Variants in BMPR2 observed in about 807,000 individuals in gnomAD.
BMPR2 encodes the protein bone morphogenetic protein receptor type-2.
A neutral mutation model predicts 100.8 loss-of-function variants in BMPR2; 29 were observed. That is an observed-to-expected ratio of 0.29 (90% CI 0.21 to 0.39). The LOEUF (loss-of-function observed/expected upper bound fraction) is 0.39, where lower values mean the gene tolerates loss of function less well. Among genes scored for constraint, BMPR2 ranks in the 10% least tolerant of loss-of-function variants. The probability of loss-of-function intolerance (pLI) is 1.00; values close to 1 mark genes in which losing one functional copy is unlikely to be tolerated. For missense variants in BMPR2, 1,011 were observed against 1,274.5 expected (o/e 0.79, Z 3.15); for synonymous variants, 382 against 442.3 (o/e 0.86, Z 1.71).
In BMPR2 at chr2:202,376,930, A is replaced by T; in HGVS notation, c.-545A>T. On this transcript the variant is annotated 5_prime_UTR_variant, in exon 1 of 13. Transcript: ENST00000374580. ...GAGGATTTGTTGTTTTCGAAATCAG[A>T]GTGAAGGAAGCACCGAAGCGAAACT... 2 of 443,678 alleles carry T rather than the reference A, an allele frequency of 4.5e-6. No homozygotes were observed. The highest frequency in any genetic ancestry group is 7.9e-6 in the Non-Finnish European group (2 of 253,504). 27.5% of individuals were successfully genotyped at this position (443,678 alleles called of 1,614,324 possible). A position where few individuals can be genotyped will look rare whatever the true frequency, so the allele number is the denominator to read the frequency against.
chr2:202,447,757 A>G (rs1321838455), intron 1 of BMPR2, among the ~76,000 whole-genome samples: 5 of 150,724 alleles, frequency 3.3e-5, no homozygotes, highest in Non-Finnish European at 7.3e-5. Flanking sequence ...ACACTTATAC[A>G]TATTTGTATT....
At chr2:202,497,571 A>G (rs1693066242) in intron 3 of BMPR2, among the ~76,000 whole-genome samples, 1 of 152,162 alleles carries the variant, frequency 6.6e-6, no homozygotes, top group African/African-American at 2.4e-5. Flanking sequence ...AAGGGTCGAC[A>G]AAGAGGAAAG....
intron 3 of BMPR2, among the ~76,000 whole-genome samples, chr2:202,509,148 A>T (rs943016373): frequency 6.6e-6 from 1 of 152,156 alleles, no homozygotes; most frequent in Non-Finnish European, 1.5e-5. Flanking sequence ...GTAAAGCATA[A>T]CATTCTAGGG....
At chr2:202,422,998 T>TA (rs1219284462) in intron 1 of BMPR2, among the ~76,000 whole-genome samples, 4 of 151,992 alleles carry the variant, frequency 2.6e-5, no homozygotes, top group Admixed American at 1.3e-4. Flanking sequence ...TTTAAAATAA[T>TA]AAAGATAGGG....
chr2:202,383,942 C>G (rs1319482315), intron 1 of BMPR2, among the ~76,000 whole-genome samples: 1 of 152,002 alleles, frequency 6.6e-6, no homozygotes, highest in Non-Finnish European at 1.5e-5. Context: ...GAGGCCGAGG[C>G]TGGTGGATCA....
intron 1 of BMPR2, among the ~76,000 whole-genome samples, chr2:202,435,376 C>CAT (rs141854934): frequency 0.17 from 17,834 of 103,016 alleles, 1,502 homozygotes; most frequent in Non-Finnish European, 0.2. Flanking sequence ...AAAAAAAATA[C>CAT]ATATATATAT....
At chr2:202,404,299 C>A (rs1480903352) in intron 1 of BMPR2, among the ~76,000 whole-genome samples, 1 of 149,822 alleles carries the variant, frequency 6.7e-6, no homozygotes, top group East Asian at 2.0e-4. Context: ...TCAAGCAATT[C>A]TCCTGCCTCA....
intron 1 of BMPR2, among the ~76,000 whole-genome samples, chr2:202,455,912 A>C (rs1559043796): frequency 6.6e-6 from 1 of 151,116 alleles, no homozygotes; most frequent in Non-Finnish European, 1.5e-5. Flanking sequence ...AAAAATACAA[A>C]AAATTATCTG....
chr2:202,378,357 G>A (rs948310514), intron 1 of BMPR2, among the ~76,000 whole-genome samples: 1 of 152,068 alleles, frequency 6.6e-6, no homozygotes, highest in African/African-American at 2.4e-5. Flanking sequence ...GCAGCCTTTT[G>A]GTGATTTGCT....
Position 202,551,561 on chromosome 2 carries a change from AAGGGAGACTATTAT to A in BMPR2, c.1414-1142_1414-1129del, listed in dbSNP as rs1688478668. Among the ~76,000 whole-genome samples, 4 of 152,160 alleles carry A rather than the reference AAGGGAGACTATTAT, an allele frequency of 2.6e-5. No individual in the cohort carries two copies. In the South Asian group the frequency reaches 8.3e-4, roughly 32 times the overall value. On this transcript the variant is annotated intron_variant, in intron 10 of 12. Transcript: ENST00000374580. ...CAAACAAAAAACTAGCTTTCCCCCAAAGGGAGACTATTATAGGGAGACTATTGTTCATTGCTAAT... is the reference window on the plus strand; with the variant it reads ...CAAACAAAAAACTAGCTTTCCCCCAAAGGGAGACTATTGTTCATTGCTAAT...
intron 1 of BMPR2, among the ~76,000 whole-genome samples, chr2:202,453,679 G>A (rs1692033384): frequency 6.6e-6 from 1 of 152,148 alleles, no homozygotes; most frequent in Non-Finnish European, 1.5e-5. Flanking sequence ...GGCAGAGGGG[G>A]TAAGGACAGG....
chr2:202,559,123 A>G (rs1688635871), intron 12 of BMPR2, among the ~76,000 whole-genome samples: 1 of 151,638 alleles, frequency 6.6e-6, no homozygotes, highest in South Asian at 2.1e-4. Context: ...AAGATGGTGA[A>G]ACCCCCCGTC....
intron 1 of BMPR2, among the ~76,000 whole-genome samples, chr2:202,408,632 A>G (rs570938916): frequency 2.0e-4 from 30 of 152,348 alleles, no homozygotes; most frequent in African/African-American, 7.0e-4. Context: ...TTTAGAATAA[A>G]TAAAAATTCA....
intron 3 of BMPR2, among the ~76,000 whole-genome samples, chr2:202,504,699 T>A: frequency 7.4e-6 from 1 of 134,660 alleles, no homozygotes; most frequent in East Asian, 2.0e-4. Flanking sequence ...TTTTTTTTTT[T>A]GAGAGAGTCG....
At chr2:202,389,957 A>T (rs982021834) in intron 1 of BMPR2, among the ~76,000 whole-genome samples, 6 of 151,704 alleles carry the variant, frequency 4.0e-5, no homozygotes, top group African/African-American at 1.2e-4. Context: ...AAGGGTTTTT[A>T]AACGATGATG....
At chr2:202,385,051 T>C (rs1427614988) in intron 1 of BMPR2, among the ~76,000 whole-genome samples, 1 of 152,180 alleles carries the variant, frequency 6.6e-6, no homozygotes, top group Non-Finnish European at 1.5e-5. Context: ...ACAAAATGTG[T>C]TAATGATAAG....
At chr2:202,436,448 GA>G (rs1280448395) in intron 1 of BMPR2, among the ~76,000 whole-genome samples, 15 of 142,368 alleles carry the variant, frequency 1.1e-4, no homozygotes, top group Middle Eastern at 3.5e-3. Flanking sequence ...CCTGTCTCAA[GA>G]AAAAAAAACA....
In BMPR2 at chr2:202,556,041, T is replaced by C. The variant is rs1422881845; in HGVS notation, c.2376T>C (p.Asn792=). The change falls in exon 12 of 13, where the codon AAT becomes AAC. Residue 792 remains asparagine (N), a synonymous_variant. Transcript: ENST00000374580. ...TCGAAACTGGAGTTGCCAAGATGAATACAATCAATGCAGCAGAACCTCATG... is the reference window on the plus strand; with the variant it reads ...TCGAAACTGGAGTTGCCAAGATGAACACAATCAATGCAGCAGAACCTCATG... The part of the protein sequence containing the change: ...KQVETGVAKM[N]TINAAEPHVV... The C allele has an allele frequency of 6.2e-7, 1 of 1,614,144 alleles. No homozygotes were observed. Among genetic ancestry groups the C allele is most frequent in the East Asian group, 2.2e-5 (1 of 44,884 alleles).
intron 1 of BMPR2, among the ~76,000 whole-genome samples, chr2:202,434,891 AAAAAAAAAAAAAAAAAAATATATAT>A (rs1691576136): frequency 1.6e-5 from 1 of 63,066 alleles, no homozygotes; most frequent in Non-Finnish European, 2.9e-5. Context: ...AAAAAAAAAA[AAAAAAAAAAAAAAAAAAATATATAT>A]ATATATATAT....
Sources: allele counts gnomAD v4.1 joint callset (sites outside exome capture counted in the v4.1 genomes callset), GRCh38; gene constraint gnomAD v4.1.1; transcripts MANE v1.5; gene names NCBI Gene and HGNC (gene_info 2026-07-23, HGNC 2026-07-21).